CNTRL: variants seen among roughly 807,000 people sequenced by gnomAD.
The protein encoded by CNTRL is 110 kDa centrosomal protein.
CNTRL carries 233 observed loss-of-function variants against 303.7 expected under a neutral mutation model. The observed-to-expected ratio is 0.77, with a 90% CI of 0.69 to 0.86. The LOEUF (loss-of-function observed/expected upper bound fraction) is 0.86, where lower values mean the gene tolerates loss of function less well. CNTRL is among the 40% of genes least tolerant of loss of function. The pLI is 0.00. For missense variants in CNTRL, 2,524 were observed against 2,650.6 expected, an observed-to-expected ratio of 0.95 and a Z score of 1.05; for synonymous variants, 900 against 922.2, an observed-to-expected ratio of 0.98 and a Z score of 0.44.
At chr9:121,145,157 T>C (rs2051766942) in intron 21 of CNTRL, 87 bp from the exon 22 acceptor site, 3 of 1,433,794 alleles carry the variant, frequency 2.1e-6, no homozygotes, top group Admixed American at 2.2e-5. Flanking sequence ...TAAATAAATA[T>C]AGAATCATAA....
intron 27 of CNTRL, 74 bp downstream of exon 27, chr9:121,154,987 A>C: frequency 7.7e-7 from 1 of 1,298,102 alleles, no homozygotes. Flanking sequence ...AAGGATTAGA[A>C]AGAGAATGTG....
chr9:121,084,796 A>G (rs569236656), intron 2 of CNTRL, among the ~76,000 whole-genome samples: 61 of 152,234 alleles, frequency 4.0e-4, no homozygotes, highest in African/African-American at 1.4e-3. Context: ...TGCCCGCCTC[A>G]GCCTCTCAAA....
At chr9:121,136,126 C>G in intron 15 of CNTRL, 144 bp downstream of exon 15, 1 of 714,332 alleles carries the variant, frequency 1.4e-6, no homozygotes, top group Non-Finnish European at 2.2e-6. Flanking sequence ...ATTTTGGAGT[C>G]AGACATTGTG....
chr9:121,118,218 C>T (rs1206807670), intron 11 of CNTRL, 128 bp from the exon 12 acceptor site: 2 of 662,566 alleles, frequency 3.0e-6, no homozygotes, highest in East Asian at 3.3e-5. Flanking sequence ...TTAGATAACT[C>T]CCACATTTCA....
At position 121,171,501 on chromosome 9, in the gene CNTRL, A is replaced by C. The variant is rs2053303117; in HGVS notation, c.6370A>C (p.Lys2124Gln). The C allele has an allele frequency of 6.2e-7, 1 of 1,613,950 alleles. No individual in the cohort carries two copies. The highest frequency in any genetic ancestry group is 1.3e-5 in the African/African-American group (1 of 74,938). ...CCATGAGCGGGCCAGGCGCCTGATGAAGGAGCTCAACCAGATGCAGTATGA... is the reference window on the plus strand; with the variant it reads ...CCATGAGCGGGCCAGGCGCCTGATGCAGGAGCTCAACCAGATGCAGTATGA... ...DNHERARRLMKELNQMQYEYT... is the reference protein window; with the variant it reads ...DNHERARRLMQELNQMQYEYT... The change falls in exon 40 of 44, where the codon AAG becomes CAG. Residue 2124 changes from lysine to glutamine, a missense_variant. Physicochemically the swap from Lys to Gln is moderately conservative, Grantham distance 53. Coordinates refer to ENST00000373855, the MANE Select transcript of CNTRL (RefSeq NM_007018.6).
rs1291474658 is a variant in CNTRL, at chr9:121,167,678, G to A, written c.5844+1G>A. 12 of 1,608,950 alleles carry A rather than the reference G, an allele frequency of 7.5e-6. No individual in the cohort carries two copies. Among genetic ancestry groups the A allele is most frequent in the Non-Finnish European group, 9.3e-6 (11 of 1,177,856 alleles). ...GCTCAAACTAGTCCAACAAGAAATG[G>A]TACTACACATTTATGATTTTACATA... On this transcript the variant is annotated splice_donor_variant, in intron 37 of 43. Coordinates refer to ENST00000373855, the MANE Select transcript of CNTRL (RefSeq NM_007018.6). LOFTEE classifies it high-confidence loss of function.
intron 43 of CNTRL, 60 bp from the exon 44 acceptor site, chr9:121,177,101 TAG>T: frequency 7.5e-7 from 1 of 1,336,998 alleles, no homozygotes; most frequent in Non-Finnish European, 1.1e-6. Context: ...TGCCATCACT[TAG>T]TTAAGACTGT....
At chr9:121,122,758 C>G (rs147271170) in intron 12 of CNTRL, among the ~76,000 whole-genome samples, 1 of 152,162 alleles carries the variant, frequency 6.6e-6, no homozygotes, top group Non-Finnish European at 1.5e-5. Flanking sequence ...TTTGCTTTCC[C>G]TAGCACACCT....
At chr9:121,096,746 T>TG (rs1256297323) in intron 6 of CNTRL, among the ~76,000 whole-genome samples, 183 bp downstream of exon 6, 2 of 152,178 alleles carry the variant, frequency 1.3e-5, no homozygotes, top group African/African-American at 4.8e-5. Context: ...TCATTTTGCA[T>TG]GGGTTCCTAG....
chr9:121,154,749 C>T lies in CNTRL; in HGVS notation c.4201C>T (p.Leu1401Phe). 4 of 1,607,326 alleles carry T rather than the reference C, an allele frequency of 2.5e-6. No homozygotes were observed. The highest frequency in any genetic ancestry group is 3.4e-6 in the Non-Finnish European group (4 of 1,174,284). ...KDFIDGNVES[L>F]MTELEIEKSL... ...CTTCATTGATGGAAATGTTGAGAGT[C>T]TTATGACTGAACTAGAAATAGAAAA... The change falls in exon 27 of 44, where the codon CTT becomes TTT. Residue 1401 changes from leucine to phenylalanine, a missense_variant. Coordinates refer to ENST00000373855, the MANE Select transcript of CNTRL (RefSeq NM_007018.6).
At position 121,173,225 on chromosome 9, in the gene CNTRL, C is replaced by T; in HGVS notation, c.6418-18C>T. 6.3e-7 allele frequency: 1 copy of T among 1,591,420 alleles called. No individual in the cohort carries two copies. Among genetic ancestry groups the T allele is most frequent in the Non-Finnish European group, 8.6e-7 (1 of 1,168,946 alleles). On this transcript the variant is annotated intron_variant, in intron 40 of 43. Transcript: ENST00000373855. ...TGAAATTTTATACAATGATATTTGA[C>T]ACCAACTCACTGTTTAGATGGCAAA...
At chr9:121,097,570 T>G (rs1331241287) in intron 6 of CNTRL, among the ~76,000 whole-genome samples, 1 of 97,936 alleles carries the variant, frequency 1.0e-5, no homozygotes, top group Non-Finnish European at 2.2e-5. Context: ...CTTTCTAATT[T>G]CATCCTGTGA....
At chr9:121,104,648 C>T (rs1054380511) in intron 7 of CNTRL, among the ~76,000 whole-genome samples, 1 of 149,720 alleles carries the variant, frequency 6.7e-6, no homozygotes. Context: ...GGCACAGGGC[C>T]TTGGAATTTT....
At chr9:121,147,213 G>C (rs2051920679) in intron 23 of CNTRL, among the ~76,000 whole-genome samples, 1 of 152,198 alleles carries the variant, frequency 6.6e-6, no homozygotes, top group African/African-American at 2.4e-5. Flanking sequence ...ATGTTGGCCA[G>C]GCTGGTCTCA....
chr9:121,175,153 T>C lies in CNTRL; in HGVS notation c.6883T>C (p.Ser2295Pro). 6.2e-7 allele frequency: 1 copy of C among 1,614,132 alleles called. No individual in the cohort carries two copies. The highest frequency in any genetic ancestry group is 1.3e-5 in the African/African-American group (1 of 75,042). ...ATTGGTCACCAGCACCTCTGCAGAT[T>C]CAGCGTCATCACCCAGTCTGTCTCA... Reference protein sequence around the residue: ...GELVTSTSADSASSPSLSQLE... With the variant: ...GELVTSTSADPASSPSLSQLE... Residue 2295 changes from serine (S) to proline (P), a missense_variant, in exon 43 of 44, where the codon TCA (serine) becomes CCA (proline). Transcript: ENST00000373855.
chr9:121,102,534 G>C (rs2049232070), intron 7 of CNTRL, among the ~76,000 whole-genome samples: 1 of 152,170 alleles, frequency 6.6e-6, no homozygotes, highest in African/African-American at 2.4e-5. Flanking sequence ...CATAGTGTTG[G>C]AAATTCTGGC....
chr9:121,103,931 G>C (rs1588114339), intron 7 of CNTRL, among the ~76,000 whole-genome samples: 2 of 152,202 alleles, frequency 1.3e-5, no homozygotes, highest in Admixed American at 6.5e-5. Context: ...GTTGGTGGGA[G>C]TGTAAACTAG....
chr9:121,135,863 C>T lies in CNTRL; in HGVS notation c.2083C>T (p.Gln695Ter). 6.2e-7 allele frequency: 1 copy of T among 1,614,008 alleles called. No individual in the cohort carries two copies. Among genetic ancestry groups the T allele is most frequent in the Non-Finnish European group, 8.5e-7 (1 of 1,179,928 alleles). Residue 695 changes from glutamine to a stop codon, truncating the protein, a stop_gained, in exon 15 of 44, where the codon CAG (glutamine) becomes TAG (stop). Coordinates refer to ENST00000373855, the MANE Select transcript of CNTRL (RefSeq NM_007018.6). LOFTEE classifies it high-confidence loss of function. ...QEQHEVNASL[Q>*]QTQGDLSAYE... ...GCAGCATGAGGTGAATGCATCTTTG[C>T]AGCAGACCCAGGGAGATCTCAGTGC...
Position 121,157,770 on chromosome 9 carries a change from G to A in CNTRL, c.4527G>A (p.Glu1509=). 1 of 1,614,202 alleles carries A rather than the reference G, an allele frequency of 6.2e-7. No homozygotes were observed. The highest frequency in any genetic ancestry group is 8.5e-7 in the Non-Finnish European group (1 of 1,180,036). The change falls in exon 29 of 44, where the codon GAG becomes GAA. Residue 1509 remains glutamate, a synonymous_variant. Coordinates refer to ENST00000373855, the MANE Select transcript of CNTRL (RefSeq NM_007018.6). ...TCCAGGCTGATGCAAAGGATTTGGA[G>A]CAGCACAAAATCAAGCAAGAAGAAA... ...RSLQADAKDL[E]QHKIKQEEIL... is the part of the protein sequence containing the mutation.
Sources: allele counts gnomAD v4.1 joint callset (sites outside exome capture counted in the v4.1 genomes callset), GRCh38; gene constraint gnomAD v4.1.1; transcripts MANE v1.5; gene names NCBI Gene and HGNC (gene_info 2026-07-23, HGNC 2026-07-21).